TENM2: variants seen among roughly 807,000 people sequenced by gnomAD.
TENM2 encodes the protein teneurin-2.
In TENM2, 52 loss-of-function variants were observed where a neutral mutation model predicts 245.2. The observed-to-expected ratio is 0.21, with a 90% confidence interval of 0.17 to 0.27. TENM2 has a LOEUF of 0.27. Ranked by LOEUF, TENM2 falls within the 10% of genes least tolerant of loss-of-function variation. TENM2 has a pLI of 1.00. For synonymous variants in TENM2, 1,363 were observed against 1,438.9 expected, an observed-to-expected ratio of 0.95 and a Z score of 1.19; for missense variants, 3,046 against 3,666.8, an observed-to-expected ratio of 0.83 and a Z score of 4.37.
chr5:168,164,037 C>A (rs1486204010), intron 13 of TENM2, among the ~76,000 whole-genome samples: 1 of 152,124 alleles, frequency 6.6e-6, no homozygotes, highest in Non-Finnish European at 1.5e-5. Context: ...TCTTCATTAT[C>A]TTGTGAAGGT....
At chr5:168,138,361 G>A (rs1167341421) in intron 12 of TENM2, among the ~76,000 whole-genome samples, 2 of 152,252 alleles carry the variant, frequency 1.3e-5, no homozygotes, top group Non-Finnish European at 2.9e-5. Flanking sequence ...TACTCTGTAA[G>A]TGTTAGCTTA....
At chr5:167,646,312 C>T (rs569365755) in intron 2 of TENM2, among the ~76,000 whole-genome samples, 12 of 147,766 alleles carry the variant, frequency 8.1e-5, no homozygotes, top group African/African-American at 3.0e-4. Flanking sequence ...TGTAACTATT[C>T]TTTTCTGCAA....
At chr5:167,028,579 GTA>G in the TENM2 span, among the ~76,000 whole-genome samples, 6 of 151,772 alleles carry the variant, frequency 4.0e-5, no homozygotes, top group African/African-American at 1.2e-4. Context: ...TTAGGTGGGA[GTA>G]TGTTTTTAAA....
intron 3 of TENM2, among the ~76,000 whole-genome samples, chr5:167,951,776 C>A (rs1432040002): frequency 6.6e-6 from 1 of 152,116 alleles, no homozygotes; most frequent in Non-Finnish European, 1.5e-5. Flanking sequence ...TGTTCACTCT[C>A]ATTTTAAAAT....
intron 27 of TENM2, among the ~76,000 whole-genome samples, chr5:168,252,803 C>T (rs1325114821): frequency 6.7e-6 from 1 of 150,086 alleles, no homozygotes; most frequent in East Asian, 2.0e-4. Context: ...GCTGAGATCG[C>T]ACCATTGCAC....
the TENM2 span, among the ~76,000 whole-genome samples, chr5:167,159,566 C>T: frequency 6.6e-6 from 1 of 152,090 alleles, no homozygotes; most frequent in Non-Finnish European, 1.5e-5. Flanking sequence ...TTCAAAGCAT[C>T]ATATTCTATA....
chr5:168,059,635 T>C (rs1408996853), intron 6 of TENM2, among the ~76,000 whole-genome samples: 1 of 152,102 alleles, frequency 6.6e-6, no homozygotes, highest in Non-Finnish European at 1.5e-5. Context: ...ATTTATATCC[T>C]TTTTATTATA....
intron 2 of TENM2, among the ~76,000 whole-genome samples, chr5:167,725,420 T>G (rs1232278650): frequency 2.6e-5 from 4 of 152,206 alleles, no homozygotes; most frequent in African/African-American, 4.8e-5. Flanking sequence ...AAATCTATTT[T>G]CATCAATCTG....
chr5:167,605,708 G>C (rs969203594), intron 2 of TENM2, among the ~76,000 whole-genome samples: 14 of 152,196 alleles, frequency 9.2e-5, no homozygotes, highest in African/African-American at 3.4e-4. Context: ...TTTAGCCCAT[G>C]CTGTAATTAC....
At chr5:168,027,931 G>A (rs762177335) in intron 5 of TENM2, among the ~76,000 whole-genome samples, 1 of 152,200 alleles carries the variant, frequency 6.6e-6, no homozygotes, top group South Asian at 2.1e-4. Flanking sequence ...ATTGCTTTGT[G>A]TAATAAACTT....
At chr5:167,896,476 C>T (rs1775235276) in intron 3 of TENM2, among the ~76,000 whole-genome samples, 1 of 152,296 alleles carries the variant, frequency 6.6e-6, no homozygotes, top group Non-Finnish European at 1.5e-5. Flanking sequence ...ATGTGGCTTC[C>T]AACCATTCTT....
intron 4 of TENM2, among the ~76,000 whole-genome samples, chr5:167,976,915 A>C (rs1177707144): frequency 5.9e-5 from 9 of 152,240 alleles, no homozygotes; most frequent in Non-Finnish European, 1.2e-4. Flanking sequence ...ATATGGAATC[A>C]ACTAAATGCC....
At chr5:167,252,644 C>T in the TENM2 span, among the ~76,000 whole-genome samples, 7 of 152,052 alleles carry the variant, frequency 4.6e-5, no homozygotes, top group South Asian at 2.1e-4. Flanking sequence ...ACACAGCCAC[C>T]GCTAACTGCA....
chr5:167,754,951 A>C (rs1169113635), intron 2 of TENM2: 2 of 1,468,552 alleles, frequency 1.4e-6, no homozygotes, highest in Non-Finnish European at 1.8e-6. Flanking sequence ...TTTCCTTCCC[A>C]GCTGGAGAAG....
At chr5:168,044,090 A>C (rs1788413178) in intron 5 of TENM2, among the ~76,000 whole-genome samples, 1 of 152,172 alleles carries the variant, frequency 6.6e-6, no homozygotes, top group Non-Finnish European at 1.5e-5. Flanking sequence ...TAATGCCTTT[A>C]GAATGTCTAC....
intron 2 of TENM2, among the ~76,000 whole-genome samples, chr5:167,658,272 A>G (rs998020588): frequency 7.3e-5 from 11 of 151,242 alleles, no homozygotes; most frequent in African/African-American, 2.4e-4. Context: ...TGTAATGCAC[A>G]ATCTTGGGTC....
At position 168,234,126 on chromosome 5, in the gene TENM2, T is replaced by A. The variant is rs529696628; in HGVS notation, c.5520+5996T>A. 5.9e-5 allele frequency among the ~76,000 whole-genome samples: 9 copies of A among 152,144 alleles called. No homozygotes were observed. In the South Asian group the frequency reaches 1.9e-3, roughly 32 times the overall value. On this transcript the variant is annotated intron_variant, in intron 25 of 28. Coordinates refer to ENST00000518659, the Ensembl canonical transcript of TENM2. ...CAGTTGACCTAATTTTCTCCTACAG[T>A]AGACTAATGTCCTCTTCACATTGCG...
intron 2 of TENM2, among the ~76,000 whole-genome samples, chr5:167,589,975 G>A (rs1042498940): frequency 4.6e-5 from 7 of 151,794 alleles, no homozygotes; most frequent in African/African-American, 1.7e-4. Flanking sequence ...ATAATTTGAT[G>A]TATCATTTTA....
intron 2 of TENM2, among the ~76,000 whole-genome samples, chr5:167,514,428 G>A (rs985030219): frequency 1.6e-4 from 24 of 152,252 alleles, no homozygotes; most frequent in African/African-American, 5.8e-4. Flanking sequence ...GTTACTAATA[G>A]GGCTCTGCCT....
Sources: allele counts gnomAD v4.1 joint callset (sites outside exome capture counted in the v4.1 genomes callset), GRCh38; gene constraint gnomAD v4.1.1; transcripts MANE v1.5; gene names NCBI Gene and HGNC (gene_info 2026-07-23, HGNC 2026-07-21).